Variants in ZNF33A observed in about 807,000 individuals in gnomAD.
ZNF33A encodes brain my041 protein.
A neutral mutation model predicts 15.9 loss-of-function variants in ZNF33A; 9 were observed. The ratio of observed to expected loss-of-function variants is 0.57; its 90% CI spans 0.34 to 0.99. The LOEUF (loss-of-function observed/expected upper bound fraction) is 0.99, where lower values mean the gene tolerates loss of function less well. Among genes scored for constraint, ZNF33A ranks in the 50% least tolerant of loss-of-function variants. ZNF33A has a pLI of 0.02. For synonymous variants in ZNF33A, 294 were observed against 324.2 expected, an observed-to-expected ratio of 0.91 and a Z score of 1.00; for missense variants, 843 against 941.6, an observed-to-expected ratio of 0.90 and a Z score of 1.37.
At chr10:38,045,926 G>A (rs1050558713) in intron 4 of ZNF33A, among the ~76,000 whole-genome samples, 1 of 152,188 alleles carries the variant, frequency 6.6e-6, no homozygotes, top group Non-Finnish European at 1.5e-5. Context: ...GGCTACAGCA[G>A]TGTTTTGCTT....
At chr10:38,025,357 G>A (rs2064937918) in intron 4 of ZNF33A, among the ~76,000 whole-genome samples, 1 of 152,228 alleles carries the variant, frequency 6.6e-6, no homozygotes, top group Admixed American at 6.5e-5. Context: ...GAATTCATAT[G>A]TTGGAGCCCT....
chr10:38,014,699 G>T (rs2064364839), intron 2 of ZNF33A, among the ~76,000 whole-genome samples: 1 of 152,156 alleles, frequency 6.6e-6, no homozygotes, highest in South Asian at 2.1e-4. Context: ...GGTTGGTTGT[G>T]CCAGTACCAC....
In ZNF33A at chr10:38,046,565, G is replaced by T. The variant is rs568959038; in HGVS notation, c.251-7810G>T. On this transcript the variant is annotated intron_variant, in intron 4 of 4. Coordinates refer to ENST00000432900, the MANE Select transcript of ZNF33A (RefSeq NM_006954.2). ...GAAAAAAGCACAAAAATACTTATAG[G>T]AAGCCAAAAGGACCCAACATCCAAC... Among the ~76,000 whole-genome samples, 500 of 152,246 alleles carry T rather than the reference G, an allele frequency of 3.3e-3. 3 individuals are homozygous for T. Among genetic ancestry groups the T allele is most frequent in the African/African-American group, 0.011 (474 of 41,536 alleles).
At chr10:38,034,714 G>A (rs1218273847) in intron 4 of ZNF33A, among the ~76,000 whole-genome samples, 2 of 152,074 alleles carry the variant, frequency 1.3e-5, no homozygotes, top group African/African-American at 2.4e-5. Flanking sequence ...GTTTTTTAGA[G>A]CACTTTCTTT....
At chr10:38,067,795 C>T (rs1286889911), downstream of ZNF33A, among the ~76,000 whole-genome samples, 1 of 152,138 alleles carries the variant, frequency 6.6e-6, no homozygotes, top group Admixed American at 6.5e-5. Flanking sequence ...TTGAACGAAA[C>T]ATTCAGTTTC....
rs1451322085 is a variant in ZNF33A, at chr10:38,057,503, G to A, written c.*943G>A. ...TAACGTAATTGTGAATAGGAAGTAG[G>A]TATCCTAGTTTAGTAGTGGTTACAT... is the stretch of plus-strand genomic sequence containing the variant. On this transcript the variant is annotated 3_prime_UTR_variant, in exon 5 of 5. Transcript: ENST00000432900. 1 of 985,272 alleles carries A rather than the reference G, an allele frequency of 1.0e-6. No homozygotes were observed. Among genetic ancestry groups the A allele is most frequent in the East Asian group, 1.1e-4 (1 of 8,824 alleles). The allele number at this position is 985,272 out of a possible 1,614,324, so 61.0% of individuals were successfully genotyped here.
chr10:38,034,533 T>C (rs1161643117), intron 4 of ZNF33A, among the ~76,000 whole-genome samples: 1 of 152,214 alleles, frequency 6.6e-6, no homozygotes, highest in African/African-American at 2.4e-5. Flanking sequence ...GCATGCATAC[T>C]GTCACCATGT....
At chr10:38,054,259 T>C in intron 4 of ZNF33A, 116 bp from the exon 5 acceptor site, 2 of 1,120,856 alleles carry the variant, frequency 1.8e-6, no homozygotes, top group Non-Finnish European at 2.4e-6. Context: ...TATGTTCATC[T>C]CTGGAAACTG....
At chr10:38,034,977 A>G (rs1381436558) in intron 4 of ZNF33A, among the ~76,000 whole-genome samples, 3 of 152,058 alleles carry the variant, frequency 2.0e-5, no homozygotes, top group Non-Finnish European at 4.4e-5. Context: ...TAAGCTAAAC[A>G]TGTGTTTATA....
At chr10:38,029,772 G>T (rs1481928943) in intron 4 of ZNF33A, among the ~76,000 whole-genome samples, 2 of 152,138 alleles carry the variant, frequency 1.3e-5, no homozygotes, top group African/African-American at 2.4e-5. Context: ...GCAGAAACGG[G>T]GTTGTCTGGT....
intron 4 of ZNF33A, among the ~76,000 whole-genome samples, chr10:38,042,042 TGAAA>T (rs2065723527): frequency 6.6e-6 from 1 of 152,322 alleles, no homozygotes; most frequent in South Asian, 2.1e-4. Flanking sequence ...TTAAAGAAGC[TGAAA>T]GAAAGATAGG....
intron 4 of ZNF33A, among the ~76,000 whole-genome samples, chr10:38,052,380 A>AT (rs1473646303): frequency 2.0e-5 from 3 of 151,760 alleles, no homozygotes; most frequent in Admixed American, 1.3e-4. Context: ...TATCAAAAAT[A>AT]TTTTTTTTGC....
In ZNF33A at chr10:38,013,606, G is replaced by A. The variant is rs367794418; in HGVS notation, c.9+1256G>A. Among the ~76,000 whole-genome samples the A allele has an allele frequency of 7.3e-5, 11 of 151,302 alleles. No homozygotes were observed. The East Asian group carries it at 1.8e-3, about 24-fold the overall frequency. On this transcript the variant is annotated intron_variant, in intron 2 of 4. Coordinates refer to ENST00000432900, the MANE Select transcript of ZNF33A (RefSeq NM_006954.2). ...CCCGAGTAGCTGGGATTATAGGCAC[G>A]CACCACCATACCCAGCTAATTTTTG...
intron 4 of ZNF33A, among the ~76,000 whole-genome samples, chr10:38,051,464 C>T (rs1279757600): frequency 2.0e-5 from 3 of 151,970 alleles, no homozygotes; most frequent in African/African-American, 4.8e-5. Flanking sequence ...AATTACTTAC[C>T]ATGCATTTGC....
intron 4 of ZNF33A, among the ~76,000 whole-genome samples, chr10:38,031,440 C>T (rs992664273): frequency 4.6e-5 from 7 of 151,670 alleles, no homozygotes; most frequent in East Asian, 1.9e-4. Context: ...TGTGGTGGTG[C>T]GTGCCTGCAG....
chr10:38,019,305 G>A (rs945399108), intron 4 of ZNF33A, among the ~76,000 whole-genome samples: 9 of 152,120 alleles, frequency 5.9e-5, no homozygotes, highest in South Asian at 2.1e-4. Context: ...TCCCTACAAA[G>A]GACATGAACT....
At chr10:38,036,156 G>A (rs2065443334) in intron 4 of ZNF33A, among the ~76,000 whole-genome samples, 1 of 152,066 alleles carries the variant, frequency 6.6e-6, no homozygotes, top group African/African-American at 2.4e-5. Flanking sequence ...ATCAATTAAT[G>A]TGGCCGGGTA....
chr10:38,018,755 C>T (rs1666767601), intron 4 of ZNF33A, among the ~76,000 whole-genome samples: 2 of 152,038 alleles, frequency 1.3e-5, no homozygotes, highest in South Asian at 4.1e-4. Flanking sequence ...AACAAAAGAA[C>T]TAACATTTGT....
Position 38,052,844 on chromosome 10 carries a change from C to T in ZNF33A, c.251-1531C>T, listed in dbSNP as rs374250220. 2.0e-5 allele frequency among the ~76,000 whole-genome samples: 3 copies of T among 151,944 alleles called. No homozygotes were observed. In the East Asian group the frequency reaches 5.8e-4, roughly 29 times the overall value. ...GAAAACTGTTGCTGAACATTTTTCC[C>T]AGGTTCATGATGGTTCCTTTGAATA... is the stretch of plus-strand genomic sequence containing the variant. On this transcript the variant is annotated intron_variant, in intron 4 of 4. Coordinates refer to ENST00000432900, the MANE Select transcript of ZNF33A (RefSeq NM_006954.2).
Sources: allele counts gnomAD v4.1 joint callset (sites outside exome capture counted in the v4.1 genomes callset), GRCh38; gene constraint gnomAD v4.1.1; transcripts MANE v1.5; gene names NCBI Gene and HGNC (gene_info 2026-07-23, HGNC 2026-07-21).